Variants in PIEZO1 observed in about 807,000 individuals in gnomAD.
PIEZO1 encodes the protein piezo-type mechanosensitive ion channel component 1.
Under a neutral mutation model 297.2 loss-of-function variants are expected in PIEZO1, and 296 were observed. The ratio of observed to expected loss-of-function variants is 1.00; its 90% CI spans 0.91 to 1.10. The LOEUF is 1.10. PIEZO1 is among the 50% of genes least tolerant of loss of function. PIEZO1 has a pLI of 0.00. For missense variants in PIEZO1, 5,018 were observed against 3,455.5 expected (o/e 1.45, Z -11.34); for synonymous variants, 2,427 against 1,507.5 (o/e 1.61, Z -14.13).
rs112850498 is a variant in PIEZO1 at position 88,754,758 on chromosome 16, C to T, written c.65-5279G>A. ...TGTGTGACCCCACACTGCCGGGGCCCGCAGGCCAGCGCTGGCCGAGAGCAG... is the reference window on the plus strand; with the variant it reads ...TGTGTGACCCCACACTGCCGGGGCCTGCAGGCCAGCGCTGGCCGAGAGCAG... On this transcript the variant is annotated intron_variant, in intron 1 of 50. Coordinates refer to ENST00000301015, the MANE Select transcript of PIEZO1 (RefSeq NM_001142864.4). Among the ~76,000 whole-genome samples, 202 of 152,316 alleles carry T rather than the reference C, an allele frequency of 1.3e-3. 1 individual carries two copies. Among genetic ancestry groups the T allele is most frequent in the Non-Finnish European group, 2.0e-3 (135 of 68,030 alleles).
Position 88,721,344 on chromosome 16 carries a change from C to A in PIEZO1, c.5490G>T (p.Gly1830=), listed in dbSNP as rs1170478164. The A allele has an allele frequency of 6.5e-7, 1 of 1,548,370 alleles. No individual in the cohort carries two copies. The highest frequency in any genetic ancestry group is 2.4e-5 in the East Asian group (1 of 40,918). ...SGEEEQGAEE[G]PGVPAATTED... ...CGGTGGTGGCCGCAGGCACCCCTGG[C>A]CCCTCCTCGGCTCCCTGCTCCTCCT... Residue 1830 remains glycine, a synonymous_variant, in exon 39 of 51, where the codon GGG becomes GGT. Transcript: ENST00000301015.
At chr16:88,728,426 G>A (rs999980848) in intron 22 of PIEZO1, among the ~76,000 whole-genome samples, 1 of 150,476 alleles carries the variant, frequency 6.6e-6, no homozygotes, top group African/African-American at 2.5e-5. Flanking sequence ...AGGACATGCT[G>A]AACTCACAGC....
intron 44 of PIEZO1, chr16:88,718,046 G>A: frequency 3.5e-6 from 1 of 283,112 alleles, no homozygotes; most frequent in South Asian, 3.1e-5. Flanking sequence ...TCATGCCACT[G>A]CACTTCAGCC....
rs957326530 is a variant in PIEZO1, at chr16:88,781,590, G to A, written c.64+3311C>T. Among the ~76,000 whole-genome samples, 8 of 152,266 alleles carry A rather than the reference G, an allele frequency of 5.3e-5. No individual in the cohort carries two copies. In the East Asian group the frequency reaches 5.8e-4, roughly 11 times the overall value. On this transcript the variant is annotated intron_variant, in intron 1 of 50. Coordinates refer to ENST00000301015, the MANE Select transcript of PIEZO1 (RefSeq NM_001142864.4). ...GCTCAGAAGGGGCCCCCAAGCCACA[G>A]AGGAAAGCAGCTCCCACCCTACTCT...
At chr16:88,765,746 G>A (rs544901286) in intron 1 of PIEZO1, among the ~76,000 whole-genome samples, 11 of 149,606 alleles carry the variant, frequency 7.4e-5, no homozygotes, top group Admixed American at 3.3e-4. Context: ...ACAATCTCGC[G>A]CACTACAACC....
chr16:88,781,638 C>T (rs964663775), intron 1 of PIEZO1, among the ~76,000 whole-genome samples: 1 of 152,270 alleles, frequency 6.6e-6, no homozygotes, highest in African/African-American at 2.4e-5. Context: ...CTCTTCCCAG[C>T]ACCCTCGGAT....
rs940351800 is a variant in PIEZO1 at position 88,767,655 on chromosome 16, C to T, written c.64+17246G>A. Among the ~76,000 whole-genome samples the T allele has an allele frequency of 1.1e-4, 17 of 152,286 alleles. No homozygotes were observed. The East Asian group carries it at 2.3e-3, about 21-fold the overall frequency. Reference sequence around the variant, plus strand: ...TGTCATCCTCAGCCACCTAGGAAGGCGGAGTCACTGCTGTCCCCTGGCTCA... The same window carrying T: ...TGTCATCCTCAGCCACCTAGGAAGGTGGAGTCACTGCTGTCCCCTGGCTCA... On this transcript the variant is annotated intron_variant, in intron 1 of 50. Coordinates refer to ENST00000301015, the MANE Select transcript of PIEZO1 (RefSeq NM_001142864.4).
rs1376766693 is a variant in PIEZO1 at position 88,716,708 on chromosome 16, C to A, written c.6777G>T (p.Gln2259His). ...CCGTGACGATGTCCTCAGGGCTGTA[C>A]TGGCTGATGAACTGCATGGCCAGCT... ...PQPLAMQFIS[Q>H]YSPEDIVTAQ... The change falls in exon 47 of 51, where the codon CAG becomes CAT. Residue 2259 changes from glutamine to histidine, a missense_variant. By Grantham distance (24) the Gln-to-His change is conservative. Transcript: ENST00000301015. The A allele has an allele frequency of 1.3e-6, 2 of 1,548,504 alleles. No individual in the cohort carries two copies. The highest frequency in any genetic ancestry group is 1.7e-6 in the Non-Finnish European group (2 of 1,146,872).
rs1304768403 is a variant in PIEZO1 at position 88,738,413 on chromosome 16, C to G, written c.662G>C (p.Ser221Thr). 6.5e-7 allele frequency: 1 copy of G among 1,535,724 alleles called. No homozygotes were observed. Residue 221 changes from serine to threonine, a missense_variant, in exon 7 of 51, where the codon AGT becomes ACT. Transcript: ENST00000301015. ...GGCCAGGAAGAGCAGCAGGTAGACACTGGAGAGGGCCGAGGGGTGGGCGAT... is the reference window on the plus strand; with the variant it reads ...GGCCAGGAAGAGCAGCAGGTAGACAGTGGAGAGGGCCGAGGGGTGGGCGAT... ...AGIAHPSALS[S>T]VYLLLFLALC...
In PIEZO1 at chr16:88,733,641, G is replaced by A. The variant is rs1905020563; in HGVS notation, c.2434C>T (p.Leu812Phe). Residue 812 changes from leucine to phenylalanine, a missense_variant, in exon 18 of 51, where the codon CTT (leucine) becomes TTT (phenylalanine). Transcript: ENST00000301015. ...AGGGCCACCAGCTTGAAAACGTGAA[G>A]CTCCAGCAGCCGCCGCAGGAACACC... ...VQVFLRRLLE[L>F]HVFKLVALYT... is the part of the protein sequence containing the mutation. The A allele has an allele frequency of 1.9e-6, 3 of 1,549,726 alleles. No individual in the cohort carries two copies. In the East Asian group the frequency reaches 7.3e-5, roughly 38 times the overall value.
At position 88,770,516 on chromosome 16, in the gene PIEZO1, G is replaced by A. The variant is rs762229880; in HGVS notation, c.64+14385C>T. On this transcript the variant is annotated intron_variant, in intron 1 of 50. Coordinates refer to ENST00000301015, the MANE Select transcript of PIEZO1 (RefSeq NM_001142864.4). ...GAGCAGGGCGTTCTCCTCAGGGGCG[G>A]CTCCAGAACTGCAGTCCATCGGGAG... is the stretch of plus-strand genomic sequence containing the variant. Among the ~76,000 whole-genome samples the A allele has an allele frequency of 2.6e-5, 4 of 152,230 alleles. 1 individual carries two copies. The highest frequency in any genetic ancestry group is 9.6e-5 in the African/African-American group (4 of 41,452).
chr16:88,721,313 G>C lies in PIEZO1; in HGVS notation c.5521C>G (p.His1841Asp). 6.5e-7 allele frequency: 1 copy of C among 1,546,090 alleles called. No individual in the cohort carries two copies. Among genetic ancestry groups the C allele is most frequent in the Non-Finnish European group, 8.7e-7 (1 of 1,146,718 alleles). Reference protein sequence around the residue: ...PGVPAATTEDHIQVEARVGPT... With the variant: ...PGVPAATTEDDIQVEARVGPT... ...CCGACCCTGGCTTCCACCTGAATGT[G>C]GTCTTCGGTGGTGGCCGCAGGCACC... The change falls in exon 39 of 51, where the codon CAC becomes GAC. Residue 1841 changes from histidine (H) to aspartate (D), a missense_variant. Coordinates refer to ENST00000301015, the MANE Select transcript of PIEZO1 (RefSeq NM_001142864.4).
chr16:88,775,298 G>T (rs1170292750), intron 1 of PIEZO1, among the ~76,000 whole-genome samples: 1 of 152,216 alleles, frequency 6.6e-6, no homozygotes, highest in Non-Finnish European at 1.5e-5. Flanking sequence ...CCAGTAGCCA[G>T]GCAGAACAAG....
chr16:88,731,890 C>A lies in PIEZO1; in HGVS notation c.3012G>T (p.Val1004=). ...AGTTCATGCGCTGCCCGATCACGTT[C>A]ACGGCCATCAGGAAGCAGATCTGGG... The part of the protein sequence containing the change: ...FGLEICFLMA[V]NVIGQRMNFL... Residue 1004 remains valine (V), a synonymous_variant, in exon 22 of 51, where the codon GTG becomes GTT. Coordinates refer to ENST00000301015, the MANE Select transcript of PIEZO1 (RefSeq NM_001142864.4). The A allele has an allele frequency of 1.3e-6, 1 of 761,480 alleles. No individual in the cohort carries two copies. The highest frequency in any genetic ancestry group is 1.6e-6 in the Non-Finnish European group (1 of 638,262). The allele number at this position is 761,480 out of a possible 1,614,324, so 47.2% of individuals were successfully genotyped here.
intron 5 of PIEZO1, 107 bp downstream of exon 5, chr16:88,741,371 C>G (rs2142842055): frequency 1.8e-6 from 2 of 1,108,708 alleles, no homozygotes; most frequent in Non-Finnish European, 2.5e-6. Flanking sequence ...AACTTACAAC[C>G]AAAACGTCTA....
chr16:88,732,532 G>A lies in PIEZO1; in HGVS notation c.2794C>T (p.His932Tyr), dbSNP rs1033153234. ...GFPNLGYIQN[H>Y]LQVLLLLVFE... ...ACCAGCAGCAGCAGCACTTGCAGGT[G>A]GTTCTGCGGAGGGCAAGGGTCAGGG... The change falls in exon 21 of 51, where the codon CAC (histidine) becomes TAC (tyrosine). Residue 932 changes from histidine to tyrosine, a missense_variant. Physicochemically the swap from His to Tyr is moderately conservative, Grantham distance 83. Transcript: ENST00000301015. The A allele has an allele frequency of 4.5e-6, 7 of 1,545,868 alleles. No homozygotes were observed. Among genetic ancestry groups the A allele is most frequent in the South Asian group, 1.2e-5 (1 of 83,922 alleles).
rs1019161006 is a variant in PIEZO1, at chr16:88,715,767, G to C, written c.7404C>G (p.Phe2468Leu). The change falls in exon 51 of 51, where the codon TTC becomes TTG. Residue 2468 changes from phenylalanine to leucine, a missense_variant. Transcript: ENST00000301015. ...FFSEISHSIM[F>L]EELPCVDRIL... ...TGCGGTCCACGCACGGCAGCTCCTC[G>C]AACATAATGGAGTGCGAGATCTCGC... 1.3e-6 allele frequency: 2 copies of C among 1,550,384 alleles called. No individual in the cohort carries two copies. Among genetic ancestry groups the C allele is most frequent in the Non-Finnish European group, 1.7e-6 (2 of 1,146,964 alleles).
chr16:88,721,454 AG>A, intron 38 of PIEZO1, 24 bp from the exon 39 acceptor site: 3 of 1,540,222 alleles, frequency 1.9e-6, no homozygotes, highest in Non-Finnish European at 2.6e-6. Context: ...GGGTGTGGTG[AG>A]GGGGCCTTGC....
intron 2 of PIEZO1, among the ~76,000 whole-genome samples, chr16:88,747,835 A>G (rs919754598): frequency 2.0e-5 from 3 of 152,202 alleles, no homozygotes; most frequent in Non-Finnish European, 2.9e-5. Context: ...GAGAGGGAGC[A>G]GGAGAGACAG....
Sources: gnomAD v4.1 joint callset for allele counts (sites outside exome capture counted in the v4.1 genomes callset) on GRCh38, gnomAD v4.1.1 for gene constraint, MANE v1.5 for transcripts, NCBI Gene and HGNC (gene_info 2026-07-23, HGNC 2026-07-21) for gene names.